Variants in CSMD1 observed in about 807,000 individuals in gnomAD.
CSMD1 encodes CUB and sushi domain-containing protein 1.
Under a neutral mutation model 417.5 loss-of-function variants are expected in CSMD1, and 213 were observed. The ratio of observed to expected loss-of-function variants is 0.51; its 90% confidence interval spans 0.46 to 0.57. The LOEUF (loss-of-function observed/expected upper bound fraction) is 0.57. CSMD1 is among the 20% of genes least tolerant of loss of function. The pLI is 0.00. For missense variants in CSMD1, 6,923 were observed against 4,529.7 expected, an observed-to-expected ratio of 1.53 and a Z score of -15.17; for synonymous variants, 2,862 against 1,736.8, an observed-to-expected ratio of 1.65 and a Z score of -16.11.
chr8:4,956,516 C>A lies in CSMD1; in HGVS notation c.85+37816G>T, dbSNP rs375795899. Among the ~76,000 whole-genome samples, 80 of 147,886 alleles carry A rather than the reference C, an allele frequency of 5.4e-4. 1 individual carries two copies. The East Asian group carries it at 0.013, about 24-fold the overall frequency. On this transcript the variant is annotated intron_variant, in intron 1 of 69. Coordinates refer to ENST00000635120, the MANE Select transcript of CSMD1 (RefSeq NM_033225.6). The stretch of plus-strand genomic sequence containing the variant: ...AAAAATATATGTTATCATATACACA[C>A]GTATTTTAAATATATTATAAAATAT...
chr8:4,546,223 C>A (rs1038693895), intron 2 of CSMD1, among the ~76,000 whole-genome samples: 5 of 152,232 alleles, frequency 3.3e-5, no homozygotes, highest in South Asian at 2.1e-4. Flanking sequence ...CACAAGACCA[C>A]AAGCCCCTGC....
At chr8:4,044,131 C>G (rs978761967) in intron 3 of CSMD1, among the ~76,000 whole-genome samples, 2 of 152,110 alleles carry the variant, frequency 1.3e-5, no homozygotes, top group Admixed American at 1.3e-4. Flanking sequence ...CTCACATGTT[C>G]TCATCTTAAC....
chr8:3,910,979 T>C (rs1376820493), intron 5 of CSMD1, among the ~76,000 whole-genome samples: 1 of 152,224 alleles, frequency 6.6e-6, no homozygotes, highest in African/African-American at 2.4e-5. Context: ...TTTCTGTAGC[T>C]ATTACAAGAC....
chr8:3,722,674 G>T (rs565904447), intron 6 of CSMD1, among the ~76,000 whole-genome samples: 2 of 152,128 alleles, frequency 1.3e-5, no homozygotes, highest in Non-Finnish European at 2.9e-5. Context: ...CACAGAGTTC[G>T]GTAAATTGCC....
At chr8:3,987,412 T>C (rs1448637377) in intron 5 of CSMD1, among the ~76,000 whole-genome samples, 16 of 152,226 alleles carry the variant, frequency 1.1e-4, no homozygotes, top group African/African-American at 3.9e-4. Context: ...ATACAGGGGT[T>C]GTCTGTCTCC....
chr8:4,697,917 C>T (rs1472392015), intron 1 of CSMD1, among the ~76,000 whole-genome samples: 2 of 152,044 alleles, frequency 1.3e-5, no homozygotes, highest in Non-Finnish European at 1.5e-5. Flanking sequence ...ACACAGACTG[C>T]CAACCACGTT....
intron 7 of CSMD1, among the ~76,000 whole-genome samples, chr8:3,674,422 T>C (rs1332086760): frequency 6.6e-6 from 1 of 152,096 alleles, no homozygotes; most frequent in Non-Finnish European, 1.5e-5. Context: ...TCAAGAATAT[T>C]TAAATAGAAA....
At chr8:3,514,036 G>C (rs187919159) in intron 10 of CSMD1, among the ~76,000 whole-genome samples, 3 of 152,220 alleles carry the variant, frequency 2.0e-5, no homozygotes, top group East Asian at 3.9e-4. Flanking sequence ...TCTTATAATA[G>C]CACACAGTTC....
intron 49 of CSMD1, among the ~76,000 whole-genome samples, chr8:3,071,030 C>A (rs952977561): frequency 6.6e-6 from 1 of 152,150 alleles, no homozygotes; most frequent in African/African-American, 2.4e-5. Flanking sequence ...GGGGAATAAC[C>A]ATGTCACACT....
intron 1 of CSMD1, among the ~76,000 whole-genome samples, chr8:4,959,840 A>G (rs1809361149): frequency 6.6e-6 from 1 of 152,210 alleles, no homozygotes; most frequent in Non-Finnish European, 1.5e-5. Context: ...TAACCATTTA[A>G]CAGTCTCTGT....
chr8:3,936,436 C>A (rs1393688826), intron 5 of CSMD1, among the ~76,000 whole-genome samples: 1 of 152,162 alleles, frequency 6.6e-6, no homozygotes. Context: ...TGACTCTCTT[C>A]TTAGGGGCTA....
At chr8:4,065,032 G>A (rs1252114425) in intron 3 of CSMD1, among the ~76,000 whole-genome samples, 3 of 151,934 alleles carry the variant, frequency 2.0e-5, no homozygotes, top group African/African-American at 4.8e-5. Flanking sequence ...AAAAAAATCT[G>A]AAATGATTAA....
intron 7 of CSMD1, among the ~76,000 whole-genome samples, chr8:3,707,873 C>T (rs1417314077): frequency 2.6e-5 from 4 of 152,172 alleles, no homozygotes; most frequent in Non-Finnish European, 5.9e-5. Context: ...ACCTTCATTC[C>T]TCCCACAGCT....
At chr8:4,878,202 C>G (rs1327576401) in intron 1 of CSMD1, among the ~76,000 whole-genome samples, 4 of 151,598 alleles carry the variant, frequency 2.6e-5, no homozygotes, top group Non-Finnish European at 5.9e-5. Context: ...AAATCACTCA[C>G]AAGAAAAGAT....
At chr8:2,959,230 C>CTG (rs1803263059) in intron 62 of CSMD1, among the ~76,000 whole-genome samples, 3 of 152,178 alleles carry the variant, frequency 2.0e-5, no homozygotes, top group African/African-American at 7.2e-5. Context: ...CAGCCTTCTG[C>CTG]ACAGCTGTGA....
intron 11 of CSMD1, among the ~76,000 whole-genome samples, chr8:3,490,665 C>G (rs1818321033): frequency 1.3e-5 from 2 of 151,978 alleles, no homozygotes; most frequent in African/African-American, 4.8e-5. Context: ...AAATGACTTC[C>G]CTCAGGGTCA....
chr8:4,050,737 G>C (rs1798382181), intron 3 of CSMD1, among the ~76,000 whole-genome samples: 1 of 152,034 alleles, frequency 6.6e-6, no homozygotes, highest in Non-Finnish European at 1.5e-5. Context: ...AATGAATTAA[G>C]TCACTAAACT....
intron 5 of CSMD1, among the ~76,000 whole-genome samples, chr8:3,855,291 T>G (rs570415894): frequency 1.3e-5 from 2 of 152,288 alleles, no homozygotes; most frequent in Admixed American, 1.3e-4. Flanking sequence ...TCTTTGCAAT[T>G]TAAACTTGAG....
chr8:3,944,903 A>G (rs973884965), intron 5 of CSMD1, among the ~76,000 whole-genome samples: 2 of 152,148 alleles, frequency 1.3e-5, no homozygotes, highest in African/African-American at 4.8e-5. Context: ...CATCCCCACA[A>G]TCAGTGTTTC....
Sources: gnomAD v4.1 joint callset for allele counts (sites outside exome capture counted in the v4.1 genomes callset) on GRCh38, gnomAD v4.1.1 for gene constraint, MANE v1.5 for transcripts, NCBI Gene and HGNC (gene_info 2026-07-23, HGNC 2026-07-21) for gene names.